The following DPP6 variants were observed in gnomAD, a reference collection of about 807,000 sequenced individuals.
The protein encoded by DPP6 is dipeptidyl peptidase like 6, also known as A-type potassium channel modulatory protein DPP6.
Under a neutral mutation model 122.6 loss-of-function variants are expected in DPP6, and 69 were observed. The observed-to-expected ratio is 0.56, with a 90% CI of 0.46 to 0.69. The LOEUF is 0.69. Ranked by LOEUF, DPP6 falls within the 30% of genes least tolerant of loss-of-function variation. The pLI, the probability that DPP6 is intolerant of heterozygous loss-of-function variation, is 0.00. For missense variants in DPP6, 928 were observed against 1,116.9 expected, an observed-to-expected ratio of 0.83 and a Z score of 2.41; for synonymous variants, 418 against 433.1, an observed-to-expected ratio of 0.97 and a Z score of 0.43.
chr7:154,249,483 TTCTC>T (rs773352356), intron 1 of DPP6, among the ~76,000 whole-genome samples: 7 of 152,242 alleles, frequency 4.6e-5, no homozygotes, highest in African/African-American at 1.7e-4. Context: ...TGTTCTGCCT[TTCTC>T]TCTAAGATAC....
At chr7:154,529,268 T>C (rs1827654361) in intron 3 of DPP6, among the ~76,000 whole-genome samples, 1 of 152,168 alleles carries the variant, frequency 6.6e-6, no homozygotes, top group African/African-American at 2.4e-5. Flanking sequence ...CCCACATTGC[T>C]GAATGACCTG....
chr7:154,129,949 GC>G (rs1371867349), intron 1 of DPP6, among the ~76,000 whole-genome samples: 1 of 151,450 alleles, frequency 6.6e-6, no homozygotes, highest in East Asian at 1.9e-4. Context: ...GGTGACACAC[GC>G]CTGTAATCCC....
intron 1 of DPP6, among the ~76,000 whole-genome samples, chr7:154,061,697 A>G (rs1267708003): frequency 1.6e-5 from 1 of 62,316 alleles, no homozygotes; most frequent in Admixed American, 1.5e-4. Context: ...CCACCATCGC[A>G]GGGGGGGAGG....
the DPP6 span, among the ~76,000 whole-genome samples, chr7:153,764,970 G>A: frequency 9.4e-3 from 1,424 of 152,236 alleles, 11 homozygotes; most frequent in Non-Finnish European, 0.014. Flanking sequence ...CTGTGACGCC[G>A]AATGGCTCTG....
intron 16 of DPP6, among the ~76,000 whole-genome samples, chr7:154,825,917 T>C (rs975939865): frequency 1.6e-4 from 24 of 152,348 alleles, no homozygotes; most frequent in African/African-American, 5.3e-4. Context: ...TTATAGCTTC[T>C]CAAACCAGGG....
intron 1 of DPP6, among the ~76,000 whole-genome samples, chr7:154,260,922 G>A (rs1202979642): frequency 6.6e-6 from 1 of 151,764 alleles, no homozygotes; most frequent in East Asian, 1.9e-4. Flanking sequence ...TTTAGATGGA[G>A]TCTCACTCTG....
chr7:153,837,769 C>G, the DPP6 span, among the ~76,000 whole-genome samples: 1 of 151,626 alleles, frequency 6.6e-6, no homozygotes, highest in Non-Finnish European at 1.5e-5. Context: ...ACCTCCACTT[C>G]CCAGGTTCAA....
the DPP6 span, among the ~76,000 whole-genome samples, chr7:153,809,759 G>A: frequency 1.3e-5 from 2 of 150,564 alleles, no homozygotes; most frequent in South Asian, 2.1e-4. Context: ...TGAGCTCCAC[G>A]AAGTTGCCCA....
chr7:154,510,694 C>CAAAAAA (rs67365097), intron 3 of DPP6, among the ~76,000 whole-genome samples: 8 of 134,124 alleles, frequency 6.0e-5, no homozygotes, highest in South Asian at 2.4e-4. Flanking sequence ...CCAGGTGTCT[C>CAAAAAA]AAAAAAAAAA....
At position 154,149,127 on chromosome 7, in the gene DPP6, C is replaced by T. The variant is rs1796276197; in HGVS notation, c.243+96064C>T. On this transcript the variant is annotated intron_variant, in intron 1 of 25. Transcript: ENST00000377770. ...TGGCCATTCCCCTGCAGTCCGTGAA[C>T]CCCCAGGATAGCTGCACCGCATCAG... Among the ~76,000 whole-genome samples, 10 of 152,296 alleles carry T rather than the reference C, an allele frequency of 6.6e-5. No individual in the cohort carries two copies. The South Asian group carries it at 2.1e-3, about 32-fold the overall frequency.
chr7:153,749,033 C>T, the DPP6 span, among the ~76,000 whole-genome samples: 1 of 152,112 alleles, frequency 6.6e-6, no homozygotes, highest in East Asian at 1.9e-4. The surrounding 1 kb of genome is among the most constrained non-coding windows in gnomAD (Gnocchi z 4.1). Flanking sequence ...ACGGAGGGGG[C>T]TTGTGCGGGG....
rs147335766 is a variant in DPP6, at chr7:154,614,977, T to C, written c.628-22844T>C. 4.5e-3 allele frequency among the ~76,000 whole-genome samples: 682 copies of C among 152,334 alleles called. 3 individuals are homozygous for C. The highest frequency in any genetic ancestry group is 7.6e-3 in the Non-Finnish European group (518 of 68,040). ...TACATGTGGAGTCCATGGGTGAATC[T>C]TTCATTCAGTGCAGGCTACGTTGGG... On this transcript the variant is annotated intron_variant, in intron 5 of 25. Transcript: ENST00000377770.
intron 1 of DPP6, among the ~76,000 whole-genome samples, chr7:154,044,930 T>A (rs1799947987): frequency 6.6e-6 from 1 of 152,230 alleles, no homozygotes; most frequent in South Asian, 2.1e-4. Flanking sequence ...TCTGCAGAGT[T>A]CTTCTGCCAA....
Position 154,481,343 on chromosome 7 carries a change from AGG to A in DPP6, c.457+6309_457+6310del, listed in dbSNP as rs71184005. Among the ~76,000 whole-genome samples, 4,931 of 72,242 alleles carry A rather than the reference AGG, an allele frequency of 0.068. 134 individuals carry two copies. Among genetic ancestry groups the A allele is most frequent in the South Asian group, 0.11 (166 of 1,530 alleles). 47.4% of individuals were successfully genotyped at this position (72,242 alleles called of 152,430 possible). Reference sequence around the variant, plus strand: ...GCTATACACTTGGAGAGAGAGAGAGAGGGGTGTGTGTGTGTGTGTGTGTGTGT... The same window carrying A: ...GCTATACACTTGGAGAGAGAGAGAGAGGTGTGTGTGTGTGTGTGTGTGTGT... On this transcript the variant is annotated intron_variant, in intron 3 of 25. Coordinates refer to ENST00000377770, the MANE Select transcript of DPP6 (RefSeq NM_130797.4). This position sits in a 1 kb window ranked among gnomAD's most constrained non-coding sequence, Gnocchi z 4.2.
At chr7:154,591,359 G>A (rs941443280) in intron 5 of DPP6, among the ~76,000 whole-genome samples, 1 of 152,204 alleles carries the variant, frequency 6.6e-6, no homozygotes, top group Admixed American at 6.5e-5. Context: ...TGGTGAGGAT[G>A]AGAGTTGTGA....
chr7:153,846,821 T>C, the DPP6 span, among the ~76,000 whole-genome samples: 1 of 150,914 alleles, frequency 6.6e-6, no homozygotes, highest in Non-Finnish European at 1.5e-5. Flanking sequence ...GCCTCCCAAG[T>C]AGCTGGGACT....
chr7:154,835,637 C>T (rs1420264946), intron 16 of DPP6, among the ~76,000 whole-genome samples: 1 of 152,120 alleles, frequency 6.6e-6, no homozygotes, highest in Non-Finnish European at 1.5e-5. Context: ...AATCACAAAC[C>T]CATGGAGTCA....
chr7:153,773,264 C>CATGTGTGTGTGTGTGTGTGT, the DPP6 span, among the ~76,000 whole-genome samples: 6 of 132,458 alleles, frequency 4.5e-5, no homozygotes, highest in South Asian at 1.6e-3. Flanking sequence ...TCTTTTCTTT[C>CATGTGTGTGTGTGTGTGTGT]GTGTGTGTGT....
chr7:154,015,499 C>T (rs1415536181), intron 1 of DPP6, among the ~76,000 whole-genome samples: 1 of 152,154 alleles, frequency 6.6e-6, no homozygotes. Flanking sequence ...TGATGTCTAA[C>T]ATGTGCTCGC....
Sources: gnomAD v4.1 joint callset for allele counts (sites outside exome capture counted in the v4.1 genomes callset) on GRCh38, gnomAD v4.1.1 for gene constraint, Gnocchi (gnomAD v3.1) non-coding constraint, MANE v1.5 for transcripts, NCBI Gene and HGNC (gene_info 2026-07-23, HGNC 2026-07-21) for gene names.